The following EBF4 variants were observed in gnomAD, a reference collection of about 807,000 sequenced individuals.
EBF4 encodes transcription factor COE4.
Under a neutral mutation model 67.1 loss-of-function variants are expected in EBF4, and 34 were observed. The ratio of observed to expected loss-of-function variants is 0.51; its 90% CI spans 0.39 to 0.67. EBF4 has a LOEUF of 0.67. EBF4 is among the 30% of genes least tolerant of loss of function. The pLI is 0.00. For missense variants in EBF4, 837 were observed against 873.3 expected (o/e 0.96, Z 0.52); for synonymous variants, 387 against 377.7 (o/e 1.02, Z -0.29).
At chr20:2,704,798 T>C (rs1348856179) in intron 1 of EBF4, among the ~76,000 whole-genome samples, 7 of 152,246 alleles carry the variant, frequency 4.6e-5, no homozygotes, top group Non-Finnish European at 8.8e-5. Flanking sequence ...GTTGTTGCCA[T>C]GTGTCCAGTG....
intron 7 of EBF4, 48 bp from the exon 8 acceptor site, chr20:2,749,353 G>T: frequency 1.4e-6 from 2 of 1,432,428 alleles, no homozygotes; most frequent in South Asian, 2.6e-5. Flanking sequence ...TTCCCCTCCC[G>T]GGAGCCCCCG....
At chr20:2,709,536 T>C (rs1404528834) in intron 5 of EBF4, 38 bp from the exon 6 acceptor site, 5 of 1,531,010 alleles carry the variant, frequency 3.3e-6, no homozygotes, top group Non-Finnish European at 3.5e-6. Context: ...CCTCCTTCCT[T>C]GGCTTCTGCC....
At chr20:2,721,006 T>G (rs2087672324) in intron 6 of EBF4, among the ~76,000 whole-genome samples, 1 of 152,232 alleles carries the variant, frequency 6.6e-6, no homozygotes, top group Non-Finnish European at 1.5e-5. Flanking sequence ...TTTTAAGATA[T>G]TCTTATAATT....
At chr20:2,724,542 G>A (rs906065466) in intron 6 of EBF4, among the ~76,000 whole-genome samples, 1 of 151,998 alleles carries the variant, frequency 6.6e-6, no homozygotes, top group Non-Finnish European at 1.5e-5. Flanking sequence ...GGTTGTTCTG[G>A]GAACACAATT....
At chr20:2,729,578 G>A (rs764050947) in intron 6 of EBF4, among the ~76,000 whole-genome samples, 2 of 152,102 alleles carry the variant, frequency 1.3e-5, no homozygotes, top group Non-Finnish European at 2.9e-5. Context: ...GATGGGGGGA[G>A]CTACAGCATC....
chr20:2,744,479 C>CTTT (rs1190494535), intron 6 of EBF4, among the ~76,000 whole-genome samples: 1 of 118,004 alleles, frequency 8.5e-6, no homozygotes, highest in South Asian at 2.6e-4. Flanking sequence ...TTTCTTTTTT[C>CTTT]TTTTTTTCTT....
At chr20:2,736,906 C>G (rs543605468) in intron 6 of EBF4, among the ~76,000 whole-genome samples, 2 of 152,156 alleles carry the variant, frequency 1.3e-5, no homozygotes, top group South Asian at 4.1e-4. Context: ...GCCAGACTGG[C>G]CTCCATGCTG....
rs1257159425 is a variant in EBF4, at chr20:2,693,673, C to G, written c.28C>G (p.Arg10Gly). The G allele has an allele frequency of 1.1e-5, 16 of 1,444,684 alleles. No homozygotes were observed. The East Asian group carries it at 4.8e-4, about 44-fold the overall frequency. The allele number at this position is 1,444,684 out of a possible 1,614,324, so 89.5% of individuals were successfully genotyped here. ...GTTCCCTGCGCAGGACGCTCTGCCC[C>G]GCAGCGGGCTGAACCTGAAGGAGGA... Residue 10 changes from arginine (R) to glycine (G), a missense_variant, in exon 1 of 17, where the codon CGC becomes GGC. By Grantham distance (125) the Arg-to-Gly change is moderately radical (BLOSUM62 -2). Transcript: ENST00000609451. The surrounding 1 kb of genome is among the most constrained non-coding windows in gnomAD (Gnocchi z 4.6).
chr20:2,710,898 T>G (rs2087534310), intron 6 of EBF4, among the ~76,000 whole-genome samples: 1 of 152,100 alleles, frequency 6.6e-6, no homozygotes, highest in Non-Finnish European at 1.5e-5. Context: ...TCCCAACACT[T>G]TGGGAGGCTG....
At chr20:2,741,985 T>G (rs1317953856) in intron 6 of EBF4, among the ~76,000 whole-genome samples, 1 of 152,158 alleles carries the variant, frequency 6.6e-6, no homozygotes, top group Non-Finnish European at 1.5e-5. Context: ...GAGTTTGACC[T>G]CTGCAACCCT....
chr20:2,752,423 G>T, exon 14 of EBF4: 3 of 1,296,218 alleles, frequency 2.3e-6, no homozygotes, highest in Non-Finnish European at 2.0e-6. Context: ...TCGCAGCAGA[G>T]CGGCTACGGC....
chr20:2,723,140 A>G (rs1210194713), intron 6 of EBF4, among the ~76,000 whole-genome samples: 1 of 152,116 alleles, frequency 6.6e-6, no homozygotes, highest in East Asian at 1.9e-4. Flanking sequence ...AAACTTTATA[A>G]CTTCCTTCTG....
intron 6 of EBF4, among the ~76,000 whole-genome samples, chr20:2,713,357 A>AT (rs1336579320): frequency 4.3e-4 from 66 of 152,188 alleles, no homozygotes; most frequent in Admixed American, 4.0e-3. Flanking sequence ...GGGAGCTTGG[A>AT]TGTTGTCTTC....
chr20:2,759,501 C>T (rs771093926), downstream of EBF4: 44 of 163,380 alleles, frequency 2.7e-4, no homozygotes, highest in Non-Finnish European at 5.0e-4. Context: ...TGCAGATGCT[C>T]TTGGCAGGAC....
rs2146491236 is a variant in EBF4 at position 2,747,199 on chromosome 20, G to A, written c.558-1350G>A. ...CCCCCTGTAATCCCCTGTAACTCGGGAAGCCAAGGGCTGAGGCAGGGACAA... is the reference window on the plus strand; with the variant it reads ...CCCCCTGTAATCCCCTGTAACTCGGAAAGCCAAGGGCTGAGGCAGGGACAA... On this transcript the variant is annotated intron_variant, in intron 6 of 16. Transcript: ENST00000609451. The surrounding 1 kb of genome is among the most constrained non-coding windows in gnomAD (Gnocchi z 4.6). 6.6e-6 allele frequency among the ~76,000 whole-genome samples: 1 copy of A among 152,068 alleles called. No homozygotes were observed. Among genetic ancestry groups the A allele is most frequent in the Admixed American group, 6.6e-5 (1 of 15,262 alleles).
Position 2,735,690 on chromosome 20 carries a change from A to G in EBF4, c.558-12859A>G, listed in dbSNP as rs562549845. 3.3e-5 allele frequency among the ~76,000 whole-genome samples: 5 copies of G among 152,356 alleles called. 1 individual carries two copies. In the South Asian group the frequency reaches 1.0e-3, roughly 32 times the overall value. ...CAGTAATTTTTGACTCTTGAATTCT[A>G]TCATGAATCAATCAGCACCTGTTGT... On this transcript the variant is annotated intron_variant, in intron 6 of 16. Coordinates refer to ENST00000609451, the Ensembl canonical transcript of EBF4.
intron 6 of EBF4, 38 bp from the exon 7 acceptor site, chr20:2,748,511 C>G: frequency 6.5e-7 from 1 of 1,535,364 alleles, no homozygotes; most frequent in Non-Finnish European, 8.8e-7. Flanking sequence ...GTTTCCAGAA[C>G]CCCCAGACCC....
Position 2,751,531 on chromosome 20 carries a change from G to A in EBF4, c.1019-169G>A, listed in dbSNP as rs568130582. On this transcript the variant is annotated intron_variant, in intron 10 of 16. Coordinates refer to ENST00000609451, the Ensembl canonical transcript of EBF4. This position sits in a 1 kb window ranked among gnomAD's most constrained non-coding sequence, Gnocchi z 5.2. ...AAGAACTGAAACTTCCCTGAATCTC[G>A]CTGCCGGGGGTGCCTGGAGTTTTCC... Among the ~76,000 whole-genome samples the A allele has an allele frequency of 4.3e-4, 65 of 152,258 alleles. No individual in the cohort carries two copies. The highest frequency in any genetic ancestry group is 1.5e-3 in the African/African-American group (62 of 41,558).
intron 1 of EBF4, among the ~76,000 whole-genome samples, chr20:2,694,140 C>T (rs1437612596): frequency 6.6e-6 from 1 of 152,274 alleles, no homozygotes; most frequent in Non-Finnish European, 1.5e-5. Context: ...CCCCTCCTTC[C>T]TGGGCAGTCC....
Sources: allele counts gnomAD v4.1 joint callset (sites outside exome capture counted in the v4.1 genomes callset), GRCh38; gene constraint gnomAD v4.1.1; non-coding constraint Gnocchi (gnomAD v3.1); transcripts MANE v1.5; gene names NCBI Gene and HGNC (gene_info 2026-07-23, HGNC 2026-07-21).